Variants in XKR4 observed in about 807,000 individuals in gnomAD.
The protein encoded by XKR4 is XK-related protein 4.
A neutral mutation model predicts 53.9 loss-of-function variants in XKR4; 12 were observed. The observed-to-expected ratio is 0.22, with a 90% CI of 0.14 to 0.36. XKR4 has a LOEUF of 0.36. XKR4 is among the 10% of genes least tolerant of loss of function. The probability of loss-of-function intolerance (pLI) is 1.00; values close to 1 mark genes in which losing one functional copy is unlikely to be tolerated. For missense variants in XKR4, 799 were observed against 859.5 expected (o/e 0.93, Z 0.88); for synonymous variants, 354 against 362.4 (o/e 0.98, Z 0.26).
At chr8:55,449,502 G>A in intron 2 of XKR4, 3 of 1,331,414 alleles carry the variant, frequency 2.3e-6, no homozygotes, top group South Asian at 2.5e-5. Context: ...AGGCAAGGTC[G>A]GGAGGCTCAG....
intron 1 of XKR4, among the ~76,000 whole-genome samples, chr8:55,123,257 A>T (rs1816416767): frequency 6.6e-6 from 1 of 152,250 alleles, no homozygotes; most frequent in Admixed American, 6.5e-5. Flanking sequence ...AATGGAAATC[A>T]GCAAATTATT....
intron 1 of XKR4, among the ~76,000 whole-genome samples, chr8:55,191,108 G>C (rs930832821): frequency 1.3e-5 from 2 of 151,996 alleles, no homozygotes; most frequent in African/African-American, 4.8e-5. Context: ...CTGTGCTTTA[G>C]AGCCTGGGTG....
intron 2 of XKR4, among the ~76,000 whole-genome samples, chr8:55,515,369 C>T (rs1415536709): frequency 1.3e-5 from 2 of 152,168 alleles, no homozygotes; most frequent in African/African-American, 4.8e-5. Context: ...CTTCACTGCA[C>T]TCAGCAAAGA....
chr8:55,378,196 A>C (rs1201242762), intron 2 of XKR4, among the ~76,000 whole-genome samples: 1 of 152,246 alleles, frequency 6.6e-6, no homozygotes, highest in Non-Finnish European at 1.5e-5. Flanking sequence ...TTAGAGAAAC[A>C]AAGAATTCCC....
intron 1 of XKR4, among the ~76,000 whole-genome samples, chr8:55,187,243 G>T (rs1015952304): frequency 7.0e-6 from 1 of 142,560 alleles, no homozygotes; most frequent in African/African-American, 2.7e-5. Context: ...CCACACTCCA[G>T]TGTTACTCAG....
chr8:55,109,661 T>G (rs2129350795), intron 1 of XKR4, among the ~76,000 whole-genome samples: 1 of 152,324 alleles, frequency 6.6e-6, no homozygotes, highest in African/African-American at 2.4e-5. Flanking sequence ...TTGTAAATTT[T>G]TTCCATTCAC....
At chr8:55,403,622 A>G (rs2976008) in intron 2 of XKR4, among the ~76,000 whole-genome samples, 18,603 of 152,220 alleles carry the variant, frequency 0.12, 2,622 homozygotes, top group African/African-American at 0.34. Flanking sequence ...TCAAGTCTGT[A>G]TTGAGCATCC....
At chr8:55,138,947 C>G (rs1369143733) in intron 1 of XKR4, among the ~76,000 whole-genome samples, 1 of 152,180 alleles carries the variant, frequency 6.6e-6, no homozygotes, top group African/African-American at 2.4e-5. Context: ...AGGTTGAGAA[C>G]ACAGATTCAG....
intron 2 of XKR4, among the ~76,000 whole-genome samples, chr8:55,402,119 G>A (rs1012707942): frequency 6.6e-6 from 1 of 152,192 alleles, no homozygotes; most frequent in Non-Finnish European, 1.5e-5. Context: ...AACTCCAGCG[G>A]ATAAGTCATG....
In XKR4 at chr8:55,386,486, G is replaced by A. The variant is rs555712805; in HGVS notation, c.1006+28609G>A. 4.6e-5 allele frequency among the ~76,000 whole-genome samples: 7 copies of A among 152,264 alleles called. No individual in the cohort carries two copies. In the South Asian group the frequency reaches 1.2e-3, roughly 27 times the overall value. ...CAGAAAGACGTTCATTCAAATAACCGCCAGGCAGATTGACACCTGTTGCAA... is the reference window on the plus strand; with the variant it reads ...CAGAAAGACGTTCATTCAAATAACCACCAGGCAGATTGACACCTGTTGCAA... On this transcript the variant is annotated intron_variant, in intron 2 of 2. Transcript: ENST00000327381.
At chr8:55,506,530 C>T (rs561756361) in intron 2 of XKR4, among the ~76,000 whole-genome samples, 1 of 152,346 alleles carries the variant, frequency 6.6e-6, no homozygotes, top group Non-Finnish European at 1.5e-5. Context: ...GTCAACACCC[C>T]ATCTTCCACC....
intron 1 of XKR4, among the ~76,000 whole-genome samples, chr8:55,156,662 T>TC (rs1816912141): frequency 6.6e-6 from 1 of 152,120 alleles, no homozygotes; most frequent in Non-Finnish European, 1.5e-5. Context: ...TTGTTTTTTT[T>TC]CCCCCATTGT....
intron 2 of XKR4, among the ~76,000 whole-genome samples, chr8:55,418,568 G>A (rs559692391): frequency 1.1e-4 from 16 of 152,202 alleles, no homozygotes; most frequent in African/African-American, 3.4e-4. Flanking sequence ...TGGTCTAACC[G>A]GCCTCCCCTC....
chr8:55,127,304 G>A (rs1816482197), intron 1 of XKR4, among the ~76,000 whole-genome samples: 1 of 151,000 alleles, frequency 6.6e-6, no homozygotes, highest in Non-Finnish European at 1.5e-5. Flanking sequence ...CCAGACTGGA[G>A]TGCAGTGGCA....
In XKR4 at chr8:55,216,400, A is replaced by C. The variant is rs115865062; in HGVS notation, c.806+113106A>C. ...TATAGAGTAATATTTTTATGAACTT[A>C]GGGTAGAGAAGGATTTTTAAAATAT... On this transcript the variant is annotated intron_variant, in intron 1 of 2. Transcript: ENST00000327381. Among the ~76,000 whole-genome samples the C allele has an allele frequency of 4.6e-3, 703 of 152,360 alleles. 6 individuals carry two copies. Among genetic ancestry groups the C allele is most frequent in the African/African-American group, 0.016 (655 of 41,580 alleles).
chr8:55,518,037 C>T lies in XKR4; in HGVS notation c.1007-5244C>T, dbSNP rs1363781184. ...CTGTCACAGGGGAAGGTTATGGCCT[C>T]CTTAGAGAGAAAGAAAAAGACAGGC... On this transcript the variant is annotated intron_variant, in intron 2 of 2. Coordinates refer to ENST00000327381, the MANE Select transcript of XKR4 (RefSeq NM_052898.2). Among the ~76,000 whole-genome samples, 3 of 152,216 alleles carry T rather than the reference C, an allele frequency of 2.0e-5. No individual in the cohort carries two copies. In the East Asian group the frequency reaches 5.8e-4, roughly 29 times the overall value.
intron 1 of XKR4, among the ~76,000 whole-genome samples, chr8:55,173,442 G>A (rs1563474802): frequency 1.3e-5 from 2 of 151,932 alleles, no homozygotes; most frequent in Non-Finnish European, 2.9e-5. Flanking sequence ...TGTTTCTTTA[G>A]CATTCTGTTT....
intron 1 of XKR4, among the ~76,000 whole-genome samples, chr8:55,204,409 G>A (rs1817616583): frequency 6.6e-6 from 1 of 152,040 alleles, no homozygotes; most frequent in Non-Finnish European, 1.5e-5. Flanking sequence ...TTAAATAATT[G>A]TGATAAAAAT....
At chr8:55,482,912 A>C (rs1806133402) in intron 2 of XKR4, among the ~76,000 whole-genome samples, 1 of 152,162 alleles carries the variant, frequency 6.6e-6, no homozygotes, top group African/African-American at 2.4e-5. Context: ...TGCTATTATC[A>C]ATTATATTTT....
Sources: allele counts gnomAD v4.1 joint callset (sites outside exome capture counted in the v4.1 genomes callset), GRCh38; gene constraint gnomAD v4.1.1; transcripts MANE v1.5; gene names NCBI Gene and HGNC (gene_info 2026-07-23, HGNC 2026-07-21).